Variants in ARID2 observed in about 807,000 individuals in gnomAD.
ARID2 encodes AT-rich interaction domain 2.
ARID2 carries 32 observed loss-of-function variants against 184.6 expected under a neutral mutation model. The observed-to-expected ratio is 0.17, with a 90% CI of 0.13 to 0.23. ARID2 has a LOEUF of 0.23. ARID2 is among the 10% of genes least tolerant of loss of function. ARID2 has a pLI of 1.00. For synonymous variants in ARID2, 836 were observed against 772.6 expected (o/e 1.08, Z -1.36); for missense variants, 1,696 against 2,197.6 (o/e 0.77, Z 4.56).
chr12:45,827,059 A>G (rs900423071), intron 6 of ARID2, among the ~76,000 whole-genome samples: 2 of 151,820 alleles, frequency 1.3e-5, no homozygotes, highest in African/African-American at 4.8e-5. Flanking sequence ...CTTATTATCA[A>G]CCTACCTGGG....
In ARID2 at chr12:45,906,024, A is replaced by AT. The variant is rs1190793920; in HGVS notation, c.*947dup. 4.4e-6 allele frequency: 1 copy of AT among 227,162 alleles called. No homozygotes were observed. Among genetic ancestry groups the AT allele is most frequent in the Non-Finnish European group, 8.6e-6 (1 of 116,858 alleles). The allele number at this position is 227,162 out of a possible 1,614,324, so 14.1% of individuals were successfully genotyped here. On this transcript the variant is annotated 3_prime_UTR_variant, in exon 21 of 21. Coordinates refer to ENST00000334344, the MANE Select transcript of ARID2 (RefSeq NM_152641.4). ...GAAAGAGTATGGAATAATATATCTC[A>AT]TGTCATTTTTTAGAAGAAAAACTAT... is the stretch of plus-strand genomic sequence containing the variant.
intron 3 of ARID2, among the ~76,000 whole-genome samples, chr12:45,753,838 C>A (rs867248024): frequency 2.0e-5 from 3 of 152,272 alleles, no homozygotes; most frequent in Non-Finnish European, 2.9e-5. Context: ...AAGCGATCTG[C>A]CCTCCTTGGC....
intron 16 of ARID2, chr12:45,882,104 G>C (rs1592139355): frequency 6.2e-6 from 1 of 161,044 alleles, no homozygotes; most frequent in East Asian, 1.7e-4. Context: ...GTCCGCGCTT[G>C]TACCACACTC....
intron 3 of ARID2, among the ~76,000 whole-genome samples, chr12:45,749,610 G>A (rs1282606410): frequency 3.3e-5 from 5 of 152,184 alleles, no homozygotes; most frequent in Non-Finnish European, 5.9e-5. Context: ...TCTTCCAATA[G>A]AAGGCTTTTT....
At chr12:45,888,884 A>G (rs1298580780) in intron 16 of ARID2, among the ~76,000 whole-genome samples, 1 of 152,168 alleles carries the variant, frequency 6.6e-6, no homozygotes, top group Non-Finnish European at 1.5e-5. Context: ...AAGGAAGAGT[A>G]TTATTTTAAT....
At chr12:45,904,418 C>T in intron 20 of ARID2, 1 of 698,494 alleles carries the variant, frequency 1.4e-6, no homozygotes, top group Non-Finnish European at 2.7e-6. Context: ...AGAGGCTGGG[C>T]GCGGTGGCTC....
intron 3 of ARID2, among the ~76,000 whole-genome samples, chr12:45,755,041 G>A (rs1278233442): frequency 1.3e-5 from 2 of 152,190 alleles, no homozygotes; most frequent in Non-Finnish European, 2.9e-5. Context: ...GAAAATGAGA[G>A]TCTGTACAGT....
intron 6 of ARID2, among the ~76,000 whole-genome samples, chr12:45,830,702 A>G (rs2138114548): frequency 6.6e-6 from 1 of 152,266 alleles, no homozygotes; most frequent in East Asian, 1.9e-4. Context: ...ATAAATACCC[A>G]GTCACAATGG....
intron 3 of ARID2, among the ~76,000 whole-genome samples, chr12:45,763,289 T>C (rs1225858294): frequency 6.6e-6 from 1 of 152,002 alleles, no homozygotes; most frequent in Non-Finnish European, 1.5e-5. Context: ...GCCAACATAG[T>C]GAAACCCCGT....
chr12:45,828,184 C>T (rs1226041712), intron 6 of ARID2, among the ~76,000 whole-genome samples: 1 of 152,058 alleles, frequency 6.6e-6, no homozygotes, highest in Admixed American at 6.6e-5. Flanking sequence ...CTTTCAGTCA[C>T]TTCTTCATTC....
intron 15 of ARID2, among the ~76,000 whole-genome samples, chr12:45,857,864 A>T (rs1173028814): frequency 6.6e-6 from 1 of 151,806 alleles, no homozygotes; most frequent in African/African-American, 2.4e-5. Flanking sequence ...GGCTTAAGCA[A>T]TCCTCCTTCT....
At chr12:45,831,248 T>TA (rs1414469160) in intron 6 of ARID2, among the ~76,000 whole-genome samples, 3 of 152,208 alleles carry the variant, frequency 2.0e-5, no homozygotes, top group Non-Finnish European at 2.9e-5. Context: ...TTCTAATACA[T>TA]ACAATTAAGA....
chr12:45,808,468 A>C (rs550273705), intron 3 of ARID2, among the ~76,000 whole-genome samples: 1 of 152,204 alleles, frequency 6.6e-6, no homozygotes, highest in Non-Finnish European at 1.5e-5. Context: ...GGAATTGTGC[A>C]AAGAATCTGT....
chr12:45,857,300 A>G (rs1943666992), intron 15 of ARID2, among the ~76,000 whole-genome samples: 1 of 152,140 alleles, frequency 6.6e-6, no homozygotes, highest in Non-Finnish European at 1.5e-5. Flanking sequence ...AAGTTACTCA[A>G]CCCATCAGAA....
intron 4 of ARID2, among the ~76,000 whole-genome samples, chr12:45,816,147 A>T (rs1310474226): frequency 1.3e-5 from 2 of 152,170 alleles, no homozygotes; most frequent in African/African-American, 4.8e-5. Context: ...TTATGATTAT[A>T]TAGTATCTTA....
rs778987944 is a variant in ARID2 at position 45,836,967 on chromosome 12, C to T, written c.999C>T (p.Asp333=). Residue 333 remains aspartate (D), a synonymous_variant, in exon 8 of 21, where the codon GAC becomes GAT. Transcript: ENST00000334344. ...HFISLRQLGL[D]TLGNIAAELL... ...TTTCTTTAAGGCAATTAGGCCTTGACACATTAGGAAATATTGCAGCTGAGG... is the reference window on the plus strand; with the variant it reads ...TTTCTTTAAGGCAATTAGGCCTTGATACATTAGGAAATATTGCAGCTGAGG... 3.1e-6 allele frequency: 5 copies of T among 1,613,722 alleles called. No homozygotes were observed. In the African/African-American group the frequency reaches 5.3e-5, roughly 17 times the overall value.
At chr12:45,871,232 T>C (rs1253602182) in intron 16 of ARID2, among the ~76,000 whole-genome samples, 2 of 152,262 alleles carry the variant, frequency 1.3e-5, no homozygotes, top group Non-Finnish European at 2.9e-5. Context: ...TTTGTTTGTT[T>C]ATTTACCATA....
At chr12:45,885,454 A>G (rs1944170144) in intron 16 of ARID2, among the ~76,000 whole-genome samples, 1 of 151,890 alleles carries the variant, frequency 6.6e-6, no homozygotes, top group African/African-American at 2.4e-5. Flanking sequence ...AAGTCAGGTG[A>G]GTTTGTTTGT....
chr12:45,804,735 A>C (rs1410274916), intron 3 of ARID2, among the ~76,000 whole-genome samples: 1 of 152,102 alleles, frequency 6.6e-6, no homozygotes, highest in Admixed American at 6.5e-5. Context: ...AAAAAGCTTA[A>C]TACATCATCT....
Sources: gnomAD v4.1 joint callset for allele counts (sites outside exome capture counted in the v4.1 genomes callset) on GRCh38, gnomAD v4.1.1 for gene constraint, MANE v1.5 for transcripts, NCBI Gene and HGNC (gene_info 2026-07-23, HGNC 2026-07-21) for gene names.